The following NTRK2 variants were observed in gnomAD, a reference collection of about 807,000 sequenced individuals.
The protein encoded by NTRK2 is BDNF/NT-3 growth factors receptor.
Under a neutral mutation model 94.5 loss-of-function variants are expected in NTRK2, and 13 were observed. That is an observed-to-expected ratio of 0.14 (90% CI 0.09 to 0.22). NTRK2 has a LOEUF of 0.22. Among genes scored for constraint, NTRK2 ranks in the 10% least tolerant of loss-of-function variants. The probability of loss-of-function intolerance (pLI) is 1.00; values close to 1 mark genes in which losing one functional copy is unlikely to be tolerated. For missense variants in NTRK2, 639 were observed against 1,071.2 expected (o/e 0.60, Z 5.63); for synonymous variants, 372 against 407.4 (o/e 0.91, Z 1.05).
chr9:84,731,270 A>C (rs559931614), intron 9 of NTRK2, among the ~76,000 whole-genome samples: 1 of 152,006 alleles, frequency 6.6e-6, no homozygotes, highest in Non-Finnish European at 1.5e-5. Flanking sequence ...CCCCTTCTCT[A>C]CAAAAAAAAT....
chr9:84,672,182 G>A (rs2058740467), intron 2 of NTRK2, among the ~76,000 whole-genome samples: 1 of 152,188 alleles, frequency 6.6e-6, no homozygotes, highest in Non-Finnish European at 1.5e-5. Context: ...GTAAGTAAGA[G>A]ACCTTCCTAG....
chr9:84,892,361 T>A (rs1366633407), intron 14 of NTRK2, among the ~76,000 whole-genome samples: 3 of 152,250 alleles, frequency 2.0e-5, no homozygotes, highest in Admixed American at 2.0e-4. Context: ...ATGTGGCACA[T>A]CCCCAAAGCT....
chr9:84,783,816 TG>T (rs1360010628), intron 12 of NTRK2, among the ~76,000 whole-genome samples: 1 of 150,876 alleles, frequency 6.6e-6, no homozygotes, highest in East Asian at 2.0e-4. Context: ...ACTGCTGGGT[TG>T]TGGGGGCAGG....
chr9:84,788,237 A>G (rs1044680293), intron 12 of NTRK2, among the ~76,000 whole-genome samples: 3 of 152,236 alleles, frequency 2.0e-5, no homozygotes, highest in African/African-American at 7.2e-5. Context: ...CTTAGTAGGG[A>G]CATGAAAATG....
chr9:85,019,018 C>T (rs1177754755), intron 17 of NTRK2, among the ~76,000 whole-genome samples: 1 of 152,214 alleles, frequency 6.6e-6, no homozygotes, highest in Non-Finnish European at 1.5e-5. Context: ...CTTTTGTACT[C>T]TTGTGCTTTC....
At chr9:84,701,737 C>T (rs774601967) in intron 2 of NTRK2, among the ~76,000 whole-genome samples, 23 of 152,152 alleles carry the variant, frequency 1.5e-4, no homozygotes, top group Non-Finnish European at 2.8e-4. Flanking sequence ...GGCTGTCTCT[C>T]TTGAAATGTG....
chr9:85,018,556 A>G (rs1832492633), intron 17 of NTRK2, among the ~76,000 whole-genome samples: 1 of 152,208 alleles, frequency 6.6e-6, no homozygotes. Flanking sequence ...TGGAAACAAC[A>G]GGTCCTCTGT....
chr9:84,806,228 T>A (rs1670226206), intron 12 of NTRK2, among the ~76,000 whole-genome samples: 1 of 152,092 alleles, frequency 6.6e-6, no homozygotes, highest in South Asian at 2.1e-4. Context: ...TTTTAAAAGG[T>A]ACAAAAGAAG....
chr9:84,896,013 T>C (rs967636841), intron 14 of NTRK2, among the ~76,000 whole-genome samples: 2 of 152,254 alleles, frequency 1.3e-5, no homozygotes, highest in African/African-American at 4.8e-5. Context: ...AGTAAGCCTC[T>C]CACCCTCTCT....
rs199980480 is a variant in NTRK2 at position 85,021,454 on chromosome 9, C to T, written c.*17C>T. The T allele has an allele frequency of 1.9e-6, 3 of 1,613,516 alleles. No homozygotes were observed. Among genetic ancestry groups the T allele is most frequent in the African/African-American group, 1.3e-5 (1 of 75,042 alleles). On this transcript the variant is annotated 3_prime_UTR_variant, in exon 19 of 19. Coordinates refer to ENST00000277120, the MANE Select transcript of NTRK2 (RefSeq NM_006180.6). Reference sequence around the variant, plus strand: ...CTAGGCTAGGGCCCTTTTCCCCAGACCGATCCTTCCCAACGTACTCCTCAG... The same window carrying T: ...CTAGGCTAGGGCCCTTTTCCCCAGATCGATCCTTCCCAACGTACTCCTCAG...
chr9:84,876,287 C>T (rs2132157479), intron 14 of NTRK2: 3 of 1,045,550 alleles, frequency 2.9e-6, no homozygotes, highest in Middle Eastern at 8.7e-4. Flanking sequence ...TTAGGGAATG[C>T]CTTTACTAGA....
chr9:84,955,656 G>A, intron 17 of NTRK2, 139 bp downstream of exon 17: 1 of 787,976 alleles, frequency 1.3e-6, no homozygotes, highest in East Asian at 2.7e-5. Context: ...TCATGGCTCT[G>A]GAGGCTGGAA....
intron 17 of NTRK2, among the ~76,000 whole-genome samples, chr9:85,012,241 C>A (rs1341867762): frequency 6.6e-6 from 1 of 152,026 alleles, no homozygotes; most frequent in Non-Finnish European, 1.5e-5. Flanking sequence ...CCTGCCTTTG[C>A]CTCCCATAGT....
chr9:84,669,451 C>T (rs201155387), upstream of NTRK2: 1 of 151,848 alleles, frequency 6.6e-6, no homozygotes, highest in Non-Finnish European at 1.5e-5. This position sits in a 1 kb window ranked among gnomAD's most constrained non-coding sequence, Gnocchi z 4.1. Flanking sequence ...CACACACACA[C>T]ACAGACACAC....
chr9:84,900,058 A>G (rs1212406174), intron 14 of NTRK2, among the ~76,000 whole-genome samples: 1 of 152,206 alleles, frequency 6.6e-6, no homozygotes. Context: ...CATCTCAAGT[A>G]AAAGGAACAT....
rs192838986 is a variant in NTRK2, at chr9:84,860,617, G to T, written c.1397-423G>T. 5.8e-3 allele frequency among the ~76,000 whole-genome samples: 881 copies of T among 152,238 alleles called. 5 individuals are homozygous for T. The highest frequency in any genetic ancestry group is 7.7e-3 in the Non-Finnish European group (525 of 68,028). On this transcript the variant is annotated intron_variant, in intron 12 of 18. Transcript: ENST00000277120. Reference sequence around the variant, plus strand: ...CAGAACCGTAGTGCATTTGTCAAATGCATTGTGTGTGTCTTCACCCCTGCA... The same window carrying T: ...CAGAACCGTAGTGCATTTGTCAAATTCATTGTGTGTGTCTTCACCCCTGCA...
intron 12 of NTRK2, among the ~76,000 whole-genome samples, chr9:84,834,280 GA>G (rs2073742651): frequency 1.3e-5 from 2 of 152,106 alleles, no homozygotes; most frequent in African/African-American, 4.8e-5. Flanking sequence ...CTTCTTTGAT[GA>G]AATTTAAATT....
At chr9:84,990,908 C>T (rs1380218177) in intron 17 of NTRK2, among the ~76,000 whole-genome samples, 1 of 152,120 alleles carries the variant, frequency 6.6e-6, no homozygotes, top group Non-Finnish European at 1.5e-5. Flanking sequence ...CCCCACCCCT[C>T]ACTGTCAATT....
chr9:84,772,247 C>T (rs2066623688), intron 12 of NTRK2, among the ~76,000 whole-genome samples: 1 of 152,104 alleles, frequency 6.6e-6, no homozygotes, highest in Non-Finnish European at 1.5e-5. Context: ...TACTTGTTCT[C>T]CCTATAAACA....
Sources: allele counts gnomAD v4.1 joint callset (sites outside exome capture counted in the v4.1 genomes callset), GRCh38; gene constraint gnomAD v4.1.1; non-coding constraint Gnocchi (gnomAD v3.1); transcripts MANE v1.5; gene names NCBI Gene and HGNC (gene_info 2026-07-23, HGNC 2026-07-21).